Variants in SLC17A8 observed in about 807,000 individuals in gnomAD.
The protein encoded by SLC17A8 is solute carrier family 17 member 8, also known as vesicular glutamate transporter 3.
Under a neutral mutation model 58.0 loss-of-function variants are expected in SLC17A8, and 31 were observed. The ratio of observed to expected loss-of-function variants is 0.53; its 90% CI spans 0.40 to 0.72. The LOEUF is 0.72. Ranked by LOEUF, SLC17A8 falls within the 30% of genes least tolerant of loss-of-function variation. The probability of loss-of-function intolerance (pLI) is 0.00; values close to 1 mark genes in which losing one functional copy is unlikely to be tolerated. For synonymous variants in SLC17A8, 228 were observed against 249.0 expected (o/e 0.92, Z 0.79); for missense variants, 655 against 727.8 (o/e 0.90, Z 1.15).
Position 100,391,256 on chromosome 12 carries a change from C to T in SLC17A8, c.473+137C>T. 3 of 697,084 alleles carry T rather than the reference C, an allele frequency of 4.3e-6. No homozygotes were observed. In the South Asian group the frequency reaches 4.6e-5, roughly 11 times the overall value. 43.2% of individuals were successfully genotyped at this position (697,084 alleles called of 1,614,324 possible). On this transcript the variant is annotated intron_variant, in intron 3 of 11. Coordinates refer to ENST00000323346, the MANE Select transcript of SLC17A8 (RefSeq NM_139319.3). The stretch of plus-strand genomic sequence containing the variant: ...TCTGGATAGATGCAATTCACAGATA[C>T]TGATCCCAAATGACCCTGATCTTAA...
chr12:100,374,720 T>C (rs1952582477), intron 1 of SLC17A8, among the ~76,000 whole-genome samples: 2 of 152,230 alleles, frequency 1.3e-5, no homozygotes, highest in South Asian at 2.1e-4. Context: ...AGCAATATTA[T>C]GCAAAGGACT....
chr12:100,367,264 A>C (rs1952526248), intron 1 of SLC17A8, among the ~76,000 whole-genome samples: 1 of 152,236 alleles, frequency 6.6e-6, no homozygotes. Flanking sequence ...TGTGATCAAC[A>C]TTAAAGATAT....
intron 1 of SLC17A8, among the ~76,000 whole-genome samples, chr12:100,364,851 T>G (rs1172098361): frequency 6.6e-6 from 1 of 152,210 alleles, no homozygotes; most frequent in Non-Finnish European, 1.5e-5. Context: ...CTCTGCCTAT[T>G]GGGAGGCTTT....
At position 100,421,903 on chromosome 12, in the gene SLC17A8, G is replaced by A. The variant is rs533726453; in HGVS notation, c.*1744G>A. On this transcript the variant is annotated 3_prime_UTR_variant, in exon 12 of 12. Coordinates refer to ENST00000323346, the MANE Select transcript of SLC17A8 (RefSeq NM_139319.3). ...TTCCTAGCATGCAGAAAATGCCCAC[G>A]TAAATAGCTGTCATCATCATTATCT... The A allele has an allele frequency of 3.9e-5, 6 of 152,118 alleles. No individual in the cohort carries two copies. The highest frequency in any genetic ancestry group is 3.9e-4 in the East Asian group (2 of 5,180). The allele number at this position is 152,118 out of a possible 1,614,324, so 9.4% of individuals were successfully genotyped here. A position where few individuals can be genotyped will look rare whatever the true frequency, so the allele number is the denominator to read the frequency against.
intron 11 of SLC17A8, 139 bp downstream of exon 11, chr12:100,418,295 T>C: frequency 1.9e-6 from 2 of 1,045,610 alleles, no homozygotes; most frequent in Non-Finnish European, 1.4e-6. Context: ...CTTCTTTTTT[T>C]TTTCTTCCTT....
intron 3 of SLC17A8, among the ~76,000 whole-genome samples, chr12:100,392,397 T>G (rs909715360): frequency 1.3e-5 from 2 of 152,146 alleles, no homozygotes; most frequent in Non-Finnish European, 2.9e-5. Flanking sequence ...TTTGTATGTA[T>G]GAGTATGGAC....
chr12:100,420,074 G>C lies in SLC17A8; in HGVS notation c.1685G>C (p.Trp562Ser). ...AATTGTGAAGTCCAGAAGAAGGAATGGAAAGGACAGAGAGGAGCGACCCTT... is the reference window on the plus strand; with the variant it reads ...AATTGTGAAGTCCAGAAGAAGGAATCGAAAGGACAGAGAGGAGCGACCCTT... ...SQNCEVQKKE[W>S]KGQRGATLDE... Residue 562 changes from tryptophan (W) to serine (S), a missense_variant, in exon 12 of 12, where the codon TGG becomes TCG. Transcript: ENST00000323346. 6.2e-7 allele frequency: 1 copy of C among 1,614,172 alleles called. No individual in the cohort carries two copies. Among genetic ancestry groups the C allele is most frequent in the Non-Finnish European group, 8.5e-7 (1 of 1,180,016 alleles).
chr12:100,357,464 G>T lies in SLC17A8; in HGVS notation c.73G>T (p.Val25Leu), dbSNP rs1249629264. ...TGGGAAGGAAGGAGTGAAGAACGCC[G>T]TGGGAGATTCTTTGGGAATTTTACA... The part of the protein sequence containing the change: ...KPGKEGVKNA[V>L]GDSLGILQRK... The change falls in exon 1 of 12, where the codon GTG becomes TTG. Residue 25 changes from valine (V) to leucine (L), a missense_variant. Coordinates refer to ENST00000323346, the MANE Select transcript of SLC17A8 (RefSeq NM_139319.3). The T allele has an allele frequency of 1.1e-5, 18 of 1,613,424 alleles. No homozygotes were observed. Among genetic ancestry groups the T allele is most frequent in the Non-Finnish European group, 1.5e-5 (18 of 1,179,322 alleles).
chr12:100,378,057 A>G (rs575723146), intron 1 of SLC17A8, among the ~76,000 whole-genome samples: 2 of 152,270 alleles, frequency 1.3e-5, no homozygotes, highest in South Asian at 4.1e-4. Flanking sequence ...CTAGTTATAA[A>G]GATTGGGAGC....
chr12:100,396,213 A>G, intron 4 of SLC17A8, 117 bp from the exon 5 acceptor site: 1 of 793,838 alleles, frequency 1.3e-6, no homozygotes, highest in Non-Finnish European at 2.2e-6. Context: ...AACCTACAAC[A>G]GTGTCTGTAA....
At chr12:100,402,839 C>T (rs1952801382) in intron 8 of SLC17A8, 94 bp downstream of exon 8, 1 of 1,298,666 alleles carries the variant, frequency 7.7e-7, no homozygotes, top group South Asian at 1.4e-5. Flanking sequence ...AATTGCTGAT[C>T]ATAATTCATA....
Position 100,357,411 on chromosome 12 carries a change from A to G in SLC17A8, c.20A>G (p.Asp7Gly), listed in dbSNP as rs1449957204. 4.3e-6 allele frequency: 7 copies of G among 1,611,432 alleles called. No homozygotes were observed. Among genetic ancestry groups the G allele is most frequent in the Non-Finnish European group, 5.9e-6 (7 of 1,177,468 alleles). MPFKAFDTFKEKILKPG... is the reference protein window; with the variant it reads MPFKAFGTFKEKILKPG... ...TTCAAAATGCCTTTTAAAGCATTTG[A>G]TACCTTCAAAGAAAAAATTCTGAAA... is the stretch of plus-strand genomic sequence containing the variant. Residue 7 changes from aspartate (D) to glycine (G), a missense_variant, in exon 1 of 12, where the codon GAT becomes GGT. Coordinates refer to ENST00000323346, the MANE Select transcript of SLC17A8 (RefSeq NM_139319.3).
chr12:100,415,106 A>G (rs904404771), intron 10 of SLC17A8, among the ~76,000 whole-genome samples: 16 of 152,174 alleles, frequency 1.1e-4, no homozygotes, highest in Middle Eastern at 3.2e-3. Flanking sequence ...TTAAGTCACA[A>G]TCTGAAGGAG....
intron 1 of SLC17A8, among the ~76,000 whole-genome samples, chr12:100,376,844 C>G (rs1386812750): frequency 6.6e-6 from 1 of 152,020 alleles, no homozygotes; most frequent in Non-Finnish European, 1.5e-5. Flanking sequence ...GAGTCTCACT[C>G]TGTTACCCAG....
chr12:100,407,951 A>G (rs2136010591), intron 9 of SLC17A8, among the ~76,000 whole-genome samples: 1 of 152,318 alleles, frequency 6.6e-6, no homozygotes, highest in Admixed American at 6.5e-5. Flanking sequence ...TTATATATAG[A>G]AAATAAAATT....
At chr12:100,360,279 A>C (rs1226968233) in intron 1 of SLC17A8, among the ~76,000 whole-genome samples, 1 of 152,242 alleles carries the variant, frequency 6.6e-6, no homozygotes, top group Non-Finnish European at 1.5e-5. Flanking sequence ...AATGTCCAGA[A>C]AGTGACATGC....
At chr12:100,362,454 T>A (rs1237508593) in intron 1 of SLC17A8, among the ~76,000 whole-genome samples, 1 of 152,162 alleles carries the variant, frequency 6.6e-6, no homozygotes, top group Admixed American at 6.5e-5. Flanking sequence ...GGTCTTAAAC[T>A]CCTGGGCTCA....
At chr12:100,371,722 G>A (rs1592989103) in intron 1 of SLC17A8, among the ~76,000 whole-genome samples, 3 of 152,088 alleles carry the variant, frequency 2.0e-5, no homozygotes, top group African/African-American at 4.8e-5. Context: ...TAACTTTTTT[G>A]TATTTTTAGT....
chr12:100,381,003 GC>G (rs1566391803), intron 2 of SLC17A8, 50 bp downstream of exon 2: 1 of 1,606,832 alleles, frequency 6.2e-7, no homozygotes, highest in South Asian at 1.1e-5. Context: ...ACAGGGTCTC[GC>G]TCGGTCTCCC....
Sources: gnomAD v4.1 joint callset for allele counts (sites outside exome capture counted in the v4.1 genomes callset) on GRCh38, gnomAD v4.1.1 for gene constraint, MANE v1.5 for transcripts, NCBI Gene and HGNC (gene_info 2026-07-23, HGNC 2026-07-21) for gene names.